Variants in SLX4IP observed in about 807,000 individuals in gnomAD.
The protein encoded by SLX4IP is SLX4 interacting protein, also known as protein SLX4IP.
A neutral mutation model predicts 32.9 loss-of-function variants in SLX4IP; 34 were observed. That is an observed-to-expected ratio of 1.03 (90% CI 0.79 to 1.38). The LOEUF (loss-of-function observed/expected upper bound fraction) is 1.38, where lower values mean the gene tolerates loss of function less well. Among genes scored for constraint, SLX4IP ranks in the 40% most tolerant of loss-of-function variants. The pLI, the probability that SLX4IP is intolerant of heterozygous loss-of-function variation, is 0.00. For missense variants in SLX4IP, 444 were observed against 479.0 expected (o/e 0.93, Z 0.68); for synonymous variants, 172 against 171.7 (o/e 1.00, Z -0.01).
intron 2 of SLX4IP, among the ~76,000 whole-genome samples, chr20:10,494,465 T>C (rs867164692): frequency 6.6e-6 from 1 of 151,602 alleles, no homozygotes; most frequent in Non-Finnish European, 1.5e-5. Context: ...AATATTTTTC[T>C]AGAAAAAGTT....
chr20:10,485,980 G>A (rs2122388546), intron 2 of SLX4IP, among the ~76,000 whole-genome samples: 1 of 152,220 alleles, frequency 6.6e-6, no homozygotes, highest in Non-Finnish European at 1.5e-5. Context: ...GGAGGCAGAA[G>A]AAGTGGAGGA....
chr20:10,540,096 TTTCCTTCCTTCCTTCCTTCC>T (rs61054747), intron 2 of SLX4IP, among the ~76,000 whole-genome samples: 115 of 111,812 alleles, frequency 1.0e-3, no homozygotes, highest in African/African-American at 3.5e-3. Flanking sequence ...CCTTCCTTCC[TTTCCTTCCTTCCTTCCTTCC>T]TTCCTTCCTT....
intron 6 of SLX4IP, among the ~76,000 whole-genome samples, chr20:10,610,718 G>T (rs140609340): frequency 6.6e-6 from 1 of 152,196 alleles, no homozygotes; most frequent in African/African-American, 2.4e-5. Context: ...GAATTCATGC[G>T]ATGCCACTTT....
chr20:10,560,595 T>TA, intron 3 of SLX4IP, 105 bp from the exon 4 acceptor site: 1 of 936,428 alleles, frequency 1.1e-6, no homozygotes, highest in Non-Finnish European at 1.5e-6. Context: ...ACAGCTAAAT[T>TA]AAAAAGCAAA....
At chr20:10,581,438 G>C (rs758629596) in intron 4 of SLX4IP, among the ~76,000 whole-genome samples, 1 of 152,138 alleles carries the variant, frequency 6.6e-6, no homozygotes, top group Non-Finnish European at 1.5e-5. Context: ...AGAAAAGAGA[G>C]AGACAGAACG....
At chr20:10,489,039 C>T (rs2065597709) in intron 2 of SLX4IP, among the ~76,000 whole-genome samples, 1 of 152,150 alleles carries the variant, frequency 6.6e-6, no homozygotes, top group Non-Finnish European at 1.5e-5. Context: ...TTCTTTTAGA[C>T]GTCCACAGGC....
chr20:10,613,671 G>A, intron 6 of SLX4IP: 1 of 1,613,620 alleles, frequency 6.2e-7, no homozygotes, highest in South Asian at 1.1e-5. Flanking sequence ...CATCTTTTGT[G>A]TTGATTCTTT....
intron 6 of SLX4IP, among the ~76,000 whole-genome samples, chr20:10,608,901 C>T (rs1032160441): frequency 6.6e-6 from 1 of 152,094 alleles, no homozygotes; most frequent in African/African-American, 2.4e-5. Context: ...ACTCGACTCC[C>T]TAATTATTTT....
chr20:10,508,964 A>G (rs914425732), intron 2 of SLX4IP, among the ~76,000 whole-genome samples: 2 of 152,168 alleles, frequency 1.3e-5, no homozygotes, highest in Non-Finnish European at 2.9e-5. Flanking sequence ...ACTGGCTGGC[A>G]GACACATTTG....
Position 10,516,989 on chromosome 20 carries a change from T to A in SLX4IP, c.28-39242T>A, listed in dbSNP as rs140237048. 6.2e-3 allele frequency among the ~76,000 whole-genome samples: 941 copies of A among 152,374 alleles called. 13 individuals carry two copies. Among genetic ancestry groups the A allele is most frequent in the African/African-American group, 0.021 (858 of 41,580 alleles). On this transcript the variant is annotated intron_variant, in intron 2 of 7. Coordinates refer to ENST00000334534, the MANE Select transcript of SLX4IP (RefSeq NM_001009608.3). ...TTATTTTGAGATCAAGATTATCTTT[T>A]AGGTCAACCTGCAACTTAAAACCTG...
At chr20:10,485,240 TTATACAGTTGACCCTTGAATAACATGGG>T (rs2065561723) in intron 2 of SLX4IP, among the ~76,000 whole-genome samples, 1 of 152,104 alleles carries the variant, frequency 6.6e-6, no homozygotes, top group Non-Finnish European at 1.5e-5. Context: ...TGCAAGATGC[TTATACAGTTGACCCTTGAATAACATGGG>T]GGTTAGGGCT....
intron 2 of SLX4IP, among the ~76,000 whole-genome samples, chr20:10,498,816 C>T (rs549124564): frequency 2.6e-5 from 4 of 151,238 alleles, no homozygotes; most frequent in Non-Finnish European, 4.4e-5. Context: ...TTTTGAAAAT[C>T]CTCTAATTTT....
At chr20:10,484,603 C>T (rs904258387) in intron 2 of SLX4IP, among the ~76,000 whole-genome samples, 1 of 152,048 alleles carries the variant, frequency 6.6e-6, no homozygotes, top group Non-Finnish European at 1.5e-5. Context: ...CTGATGAATT[C>T]GTTTCACATC....
intron 2 of SLX4IP, among the ~76,000 whole-genome samples, chr20:10,549,527 A>G (rs1195522060): frequency 6.6e-6 from 1 of 152,192 alleles, no homozygotes; most frequent in Admixed American, 6.5e-5. Context: ...CCAGCTCCCA[A>G]ATAAAGGGGA....
At chr20:10,493,064 A>G (rs893291498) in intron 2 of SLX4IP, among the ~76,000 whole-genome samples, 4 of 152,012 alleles carry the variant, frequency 2.6e-5, no homozygotes, top group Non-Finnish European at 5.9e-5. Flanking sequence ...TTGGCCTCCC[A>G]CAGTGCTGTG....
chr20:10,605,859 C>T (rs960037419), intron 6 of SLX4IP, among the ~76,000 whole-genome samples: 3 of 152,166 alleles, frequency 2.0e-5, no homozygotes, highest in Non-Finnish European at 4.4e-5. Context: ...TTAAGGCACA[C>T]TACTGTTTAG....
At chr20:10,584,845 A>G (rs1600129822) in intron 4 of SLX4IP, among the ~76,000 whole-genome samples, 1 of 152,366 alleles carries the variant, frequency 6.6e-6, no homozygotes, top group South Asian at 2.1e-4. Flanking sequence ...GTTTTCATCC[A>G]TGACTTGAGT....
intron 4 of SLX4IP, among the ~76,000 whole-genome samples, chr20:10,591,394 T>C (rs1331208281): frequency 6.6e-6 from 1 of 152,176 alleles, no homozygotes; most frequent in Non-Finnish European, 1.5e-5. Flanking sequence ...TTGCACATGA[T>C]CTAGAATCTC....
intron 6 of SLX4IP, among the ~76,000 whole-genome samples, chr20:10,605,058 A>G (rs1023239751): frequency 6.6e-6 from 1 of 152,186 alleles, no homozygotes; most frequent in Non-Finnish European, 1.5e-5. Context: ...CCAAAAGCCT[A>G]TGTAGAAACT....
Sources: gnomAD v4.1 joint callset for allele counts (sites outside exome capture counted in the v4.1 genomes callset) on GRCh38, gnomAD v4.1.1 for gene constraint, MANE v1.5 for transcripts, NCBI Gene and HGNC (gene_info 2026-07-23, HGNC 2026-07-21) for gene names.